The following ASZ1 variants were observed in gnomAD, a reference collection of about 807,000 sequenced individuals.
ASZ1 encodes the protein ankyrin repeat, SAM and basic leucine zipper domain containing 1.
A neutral mutation model predicts 61.8 loss-of-function variants in ASZ1; 67 were observed. The ratio of observed to expected loss-of-function variants is 1.08; its 90% CI spans 0.89 to 1.33. The LOEUF (loss-of-function observed/expected upper bound fraction) is 1.33. Among genes scored for constraint, ASZ1 ranks in the 40% most tolerant of loss-of-function variants. The probability of loss-of-function intolerance (pLI) is 0.00; values close to 1 mark genes in which losing one functional copy is unlikely to be tolerated. For missense variants in ASZ1, 577 were observed against 554.5 expected, an observed-to-expected ratio of 1.04 and a Z score of -0.41; for synonymous variants, 193 against 192.7, an observed-to-expected ratio of 1.00 and a Z score of -0.01.
At chr7:117,382,284 C>A in intron 7 of ASZ1, 140 bp from the exon 8 acceptor site, 1 of 597,488 alleles carries the variant, frequency 1.7e-6, no homozygotes, top group Non-Finnish European at 3.0e-6. Context: ...CAGACCTATG[C>A]TATATCAAAG....
intron 9 of ASZ1, among the ~76,000 whole-genome samples, chr7:117,380,542 T>C (rs10255917): frequency 0.5 from 76,412 of 151,366 alleles, 20,806 homozygotes; most frequent in African/African-American, 0.71. Flanking sequence ...AGTCAGATCA[T>C]TGCTTTTTAC....
At chr7:117,388,406 C>T (rs1324140227) in intron 4 of ASZ1, among the ~76,000 whole-genome samples, 1 of 151,860 alleles carries the variant, frequency 6.6e-6, no homozygotes, top group African/African-American at 2.4e-5. Flanking sequence ...ATGTTTTAAA[C>T]AAATTTTAAC....
chr7:117,412,652 G>T (rs558382310), intron 4 of ASZ1, among the ~76,000 whole-genome samples: 6 of 151,608 alleles, frequency 4.0e-5, no homozygotes, highest in Non-Finnish European at 7.4e-5. Flanking sequence ...CTTATCAATG[G>T]TAATAAAAGC....
At position 117,363,469 on chromosome 7, in the gene ASZ1, G is replaced by C; in HGVS notation, c.*127C>G. Reference sequence around the variant, plus strand: ...ACTTTTTAAAAAAAAACTCCACATTGTCAAAATTTTTCCTATGGAATATTG... The same window carrying C: ...ACTTTTTAAAAAAAAACTCCACATTCTCAAAATTTTTCCTATGGAATATTG... On this transcript the variant is annotated 3_prime_UTR_variant, in exon 13 of 13. Coordinates refer to ENST00000284629, the MANE Select transcript of ASZ1 (RefSeq NM_130768.3). 1 of 800,662 alleles carries C rather than the reference G, an allele frequency of 1.2e-6. No individual in the cohort carries two copies. Among genetic ancestry groups the C allele is most frequent in the Non-Finnish European group, 1.7e-6 (1 of 582,730 alleles). 49.6% of individuals were successfully genotyped at this position (800,662 alleles called of 1,614,324 possible). A position where few individuals can be genotyped will look rare whatever the true frequency, so the allele number is the denominator to read the frequency against.
chr7:117,422,001 A>C (rs1184599373), intron 3 of ASZ1, among the ~76,000 whole-genome samples: 1 of 152,178 alleles, frequency 6.6e-6, no homozygotes, highest in Non-Finnish European at 1.5e-5. Flanking sequence ...CAAAACCTTA[A>C]AGATATATAA....
At position 117,363,736 on chromosome 7, in the gene ASZ1, G is replaced by A. The variant is rs143434974; in HGVS notation, c.1288C>T (p.Arg430Trp). 7.1e-5 allele frequency: 111 copies of A among 1,569,192 alleles called. No homozygotes were observed. The highest frequency in any genetic ancestry group is 1.7e-4 in the Middle Eastern group (1 of 5,898). Residue 430 changes from arginine (R) to tryptophan (W), a missense_variant, in exon 13 of 13, where the codon CGG becomes TGG. Coordinates refer to ENST00000284629, the MANE Select transcript of ASZ1 (RefSeq NM_130768.3). Reference sequence around the variant, plus strand: ...TGTATATGAGTTGGATCATTTTCCCGTTCATTTTGCAACTAATATTTAGTA... The same window carrying A: ...TGTATATGAGTTGGATCATTTTCCCATTCATTTTGCAACTAATATTTAGTA... ...KDLIQKLQNE[R>W]ENDPTHIQLR... is the part of the protein sequence containing the mutation.
chr7:117,412,141 C>T (rs548999887), intron 4 of ASZ1, among the ~76,000 whole-genome samples: 1 of 149,810 alleles, frequency 6.7e-6, no homozygotes, highest in East Asian at 2.0e-4. Flanking sequence ...GGGACATTTA[C>T]CAAACTACTT....
chr7:117,387,730 T>C (rs1391282126), intron 4 of ASZ1, among the ~76,000 whole-genome samples: 1 of 152,158 alleles, frequency 6.6e-6, no homozygotes, highest in Non-Finnish European at 1.5e-5. Context: ...TCATAACTGC[T>C]CTCCTCCATG....
chr7:117,393,588 TTTTA>T (rs774803526), intron 4 of ASZ1, among the ~76,000 whole-genome samples: 16 of 152,182 alleles, frequency 1.1e-4, no homozygotes, highest in Non-Finnish European at 2.2e-4. Flanking sequence ...TAAAAAATCA[TTTTA>T]TTTATTTTCC....
intron 4 of ASZ1, among the ~76,000 whole-genome samples, chr7:117,388,046 C>T (rs1166742674): frequency 6.6e-6 from 1 of 152,150 alleles, no homozygotes; most frequent in Non-Finnish European, 1.5e-5. Context: ...ATAAATTAGA[C>T]AGTTTAGATG....
rs139750603 is a variant in ASZ1 at position 117,380,389 on chromosome 7, G to A, written c.946-342C>T. Among the ~76,000 whole-genome samples the A allele has an allele frequency of 1.7e-3, 257 of 151,618 alleles. 2 individuals carry two copies. Among genetic ancestry groups the A allele is most frequent in the African/African-American group, 6.1e-3 (253 of 41,430 alleles). On this transcript the variant is annotated intron_variant, in intron 9 of 12. Transcript: ENST00000284629. ...CAAATTTTTATTTAAAATATTATCA[G>A]TGATAAATGAGAATTAGGCCCTATC...
At chr7:117,382,844 A>C (rs770593160) in intron 7 of ASZ1, 142 bp downstream of exon 7, 6 of 956,892 alleles carry the variant, frequency 6.3e-6, no homozygotes, top group Non-Finnish European at 8.1e-6. Flanking sequence ...ATTCTGGAGA[A>C]CACTAAAAAC....
intron 4 of ASZ1, among the ~76,000 whole-genome samples, chr7:117,414,401 T>G (rs1175288685): frequency 6.6e-6 from 1 of 152,200 alleles, no homozygotes; most frequent in African/African-American, 2.4e-5. Context: ...AATATAAACT[T>G]TAAAGCAGAT....
chr7:117,376,696 G>A (rs537576388), intron 10 of ASZ1, among the ~76,000 whole-genome samples: 15 of 152,156 alleles, frequency 9.9e-5, no homozygotes, highest in East Asian at 7.7e-4. Context: ...TCATATGGTC[G>A]TATCAGTTGG....
chr7:117,416,822 G>A (rs532647911), intron 4 of ASZ1, among the ~76,000 whole-genome samples: 3 of 152,280 alleles, frequency 2.0e-5, no homozygotes, highest in South Asian at 2.1e-4. Flanking sequence ...GTACCATTCA[G>A]CGAGATTTCT....
At chr7:117,427,331 G>A (rs774506834) in intron 1 of ASZ1, 25 bp downstream of exon 1, 2 of 1,612,396 alleles carry the variant, frequency 1.2e-6, no homozygotes, top group East Asian at 2.2e-5. Context: ...ACCAGGTGTG[G>A]TCAAGACAAG....
Position 117,384,872 on chromosome 7 carries a change from G to T in ASZ1, c.553-12C>A, listed in dbSNP as rs1584725075. 2 of 1,551,396 alleles carry T rather than the reference G, an allele frequency of 1.3e-6. No individual in the cohort carries two copies. The highest frequency in any genetic ancestry group is 1.4e-5 in the African/African-American group (1 of 71,494). On this transcript the variant is annotated splice_polypyrimidine_tract_variant and intron_variant, in intron 5 of 12. Transcript: ENST00000284629. ...GCCCACGTTAAAGCCTGTAAGTAGG[G>T]GGAAAAGAAGATTGTTTAAAGAGAA...
intron 2 of ASZ1, among the ~76,000 whole-genome samples, chr7:117,425,295 T>C (rs965889052): frequency 1.5e-5 from 2 of 129,634 alleles, no homozygotes; most frequent in African/African-American, 5.6e-5. Flanking sequence ...AGACGGAGTC[T>C]CGCTTTGTCG....
chr7:117,384,974 A>G, intron 5 of ASZ1, 114 bp from the exon 6 acceptor site: 1 of 932,950 alleles, frequency 1.1e-6, no homozygotes, highest in Non-Finnish European at 1.5e-6. Flanking sequence ...TAGTTAATTA[A>G]TGGAATGATG....
Sources: allele counts gnomAD v4.1 joint callset (sites outside exome capture counted in the v4.1 genomes callset), GRCh38; gene constraint gnomAD v4.1.1; transcripts MANE v1.5; gene names NCBI Gene and HGNC (gene_info 2026-07-23, HGNC 2026-07-21).